The following SMARCC1 variants were observed in gnomAD, a reference collection of about 807,000 sequenced individuals.
The protein encoded by SMARCC1 is SWI/SNF related BAF chromatin remodeling complex subunit C1.
SMARCC1 carries 43 observed loss-of-function variants against 147.4 expected under a neutral mutation model. That is an observed-to-expected ratio of 0.29 (90% CI 0.23 to 0.38). The LOEUF (loss-of-function observed/expected upper bound fraction) is 0.38. Ranked by LOEUF, SMARCC1 falls within the 10% of genes least tolerant of loss-of-function variation. SMARCC1 has a pLI of 1.00. For missense variants in SMARCC1, 1,119 were observed against 1,381.1 expected (o/e 0.81, Z 3.01); for synonymous variants, 495 against 484.4 (o/e 1.02, Z -0.29).
At position 47,767,124 on chromosome 3, in the gene SMARCC1, A is replaced by C. The variant is rs1044569532; in HGVS notation, c.315+5693T>G. Among the ~76,000 whole-genome samples the C allele has an allele frequency of 3.7e-5, 5 of 135,090 alleles. No homozygotes were observed. The East Asian group carries it at 1.3e-3, about 35-fold the overall frequency. The allele number at this position is 135,090 out of a possible 152,430, so 88.6% of individuals were successfully genotyped here. The stretch of plus-strand genomic sequence containing the variant: ...CCTGAACCCAGGAGGCGGAAGTTGC[A>C]GTGAGCCGAGATCACACCACTGCAC... On this transcript the variant is annotated intron_variant, in intron 2 of 27. Transcript: ENST00000254480.
rs757239864 is a variant in SMARCC1, at chr3:47,622,354, G to C, written c.2647-13C>G. The C allele has an allele frequency of 4.2e-5, 67 of 1,612,276 alleles. No individual in the cohort carries two copies. The highest frequency in any genetic ancestry group is 3.3e-4 in the Middle Eastern group (2 of 6,078). ...CTGCAGCCAGGTGCTAAGGGTACAA[G>C]ATCATTCAAGCTATTTAGGTAAACA... On this transcript the variant is annotated splice_polypyrimidine_tract_variant and intron_variant, in intron 24 of 27. Coordinates refer to ENST00000254480, the MANE Select transcript of SMARCC1 (RefSeq NM_003074.4).
intron 19 of SMARCC1, among the ~76,000 whole-genome samples, chr3:47,665,858 T>C (rs1446945154): frequency 6.6e-6 from 1 of 152,040 alleles, no homozygotes; most frequent in East Asian, 1.9e-4. Context: ...CTCTCTTTTT[T>C]TTTTTTTTGT....
intron 13 of SMARCC1, among the ~76,000 whole-genome samples, chr3:47,687,410 C>T (rs2033739123): frequency 1.3e-5 from 2 of 151,908 alleles, no homozygotes. Context: ...GCTGGCATTG[C>T]AATTAATGAA....
chr3:47,626,058 G>A (rs749588685), intron 24 of SMARCC1, among the ~76,000 whole-genome samples: 2 of 152,142 alleles, frequency 1.3e-5, no homozygotes, highest in Admixed American at 6.5e-5. Context: ...GGAGGCTGAG[G>A]AGGAAGGATC....
At chr3:47,709,892 G>A (rs1055147669) in intron 9 of SMARCC1, among the ~76,000 whole-genome samples, 10 of 151,924 alleles carry the variant, frequency 6.6e-5, no homozygotes, top group Admixed American at 2.6e-4. Flanking sequence ...GCAACTGAAC[G>A]TCTTAAAAGA....
At chr3:47,740,869 A>C (rs994576480) in intron 3 of SMARCC1, among the ~76,000 whole-genome samples, 1 of 150,580 alleles carries the variant, frequency 6.6e-6, no homozygotes, top group Non-Finnish European at 1.5e-5. Context: ...AAAAAAAAAA[A>C]CAAAAACCTA....
At chr3:47,665,067 A>G (rs2033404978) in intron 19 of SMARCC1, among the ~76,000 whole-genome samples, 1 of 152,018 alleles carries the variant, frequency 6.6e-6, no homozygotes, top group African/African-American at 2.4e-5. Flanking sequence ...TTCTGAACTC[A>G]AGGAATCCTC....
Position 47,693,161 on chromosome 3 carries a change from C to A in SMARCC1, c.1225+80G>T. The A allele has an allele frequency of 3.4e-6, 3 of 876,754 alleles. No individual in the cohort carries two copies. In the East Asian group the frequency reaches 7.2e-5, roughly 21 times the overall value. 54.3% of individuals were successfully genotyped at this position (876,754 alleles called of 1,614,324 possible). A position where few individuals can be genotyped will look rare whatever the true frequency, so the allele number is the denominator to read the frequency against. On this transcript the variant is annotated intron_variant, in intron 12 of 27. Coordinates refer to ENST00000254480, the MANE Select transcript of SMARCC1 (RefSeq NM_003074.4). ...TCCAGCCTGACCAACAGAACAAGAC[C>A]TTGGAAGAATAGACTATCAAAGGAG... is the stretch of plus-strand genomic sequence containing the variant.
In SMARCC1 at chr3:47,755,812, GA is replaced by G. The variant is rs1403977114; in HGVS notation, c.316-9820del. 6.7e-4 allele frequency among the ~76,000 whole-genome samples: 102 copies of G among 151,766 alleles called. 1 individual carries two copies. Among genetic ancestry groups the G allele is most frequent in the Non-Finnish European group, 2.4e-4 (16 of 67,922 alleles). On this transcript the variant is annotated intron_variant, in intron 2 of 27. Transcript: ENST00000254480. ...TCGAGACCAGCCTGACCAACATGGT[GA>G]AACACGTCTCTACTAAAAATACAAA...
At chr3:47,663,835 C>CTCT in intron 19 of SMARCC1, 2 of 1,579,500 alleles carry the variant, frequency 1.3e-6, no homozygotes, top group Non-Finnish European at 1.7e-6. Context: ...ACAGCCAGCG[C>CTCT]TCTCAGCTCA....
At chr3:47,590,183 T>G (rs1426559106) in intron 27 of SMARCC1, among the ~76,000 whole-genome samples, 1 of 152,230 alleles carries the variant, frequency 6.6e-6, no homozygotes, top group Non-Finnish European at 1.5e-5. Flanking sequence ...CCCTGAATAC[T>G]ACTTTCTTAG....
intron 21 of SMARCC1, among the ~76,000 whole-genome samples, chr3:47,645,200 CAGA>C (rs1403251781): frequency 2.6e-5 from 4 of 151,726 alleles, no homozygotes; most frequent in Admixed American, 2.6e-4. Flanking sequence ...TGCTTGATCC[CAGA>C]AGGTCTCTTG....
intron 6 of SMARCC1, among the ~76,000 whole-genome samples, chr3:47,726,791 A>G (rs1417560437): frequency 4.6e-5 from 7 of 152,218 alleles, no homozygotes; most frequent in African/African-American, 1.7e-4. Context: ...GATAACAACC[A>G]TGTTATATTC....
At chr3:47,607,835 G>T (rs1231295027) in intron 26 of SMARCC1, among the ~76,000 whole-genome samples, 1 of 152,084 alleles carries the variant, frequency 6.6e-6, no homozygotes, top group African/African-American at 2.4e-5. Context: ...TTGAGCCCAG[G>T]AATTTGGGTC....
At chr3:47,612,505 C>G (rs905670254) in intron 25 of SMARCC1, among the ~76,000 whole-genome samples, 6 of 152,170 alleles carry the variant, frequency 3.9e-5, no homozygotes, top group Admixed American at 3.9e-4. Context: ...CATTACCTAG[C>G]TGAATTTTGG....
At chr3:47,774,761 T>C (rs1356110272) in intron 1 of SMARCC1, among the ~76,000 whole-genome samples, 1 of 152,044 alleles carries the variant, frequency 6.6e-6, no homozygotes, top group Non-Finnish European at 1.5e-5. Flanking sequence ...TTATACTATA[T>C]TGATAATTTG....
chr3:47,701,559 A>C (rs896520915), intron 10 of SMARCC1, 157 bp from the exon 11 acceptor site: 1 of 669,708 alleles, frequency 1.5e-6, no homozygotes, highest in African/African-American at 1.8e-5. Flanking sequence ...TCATGCCTGT[A>C]ATCAGAGCAC....
chr3:47,722,854 G>C (rs536619015), intron 6 of SMARCC1, among the ~76,000 whole-genome samples: 2 of 152,330 alleles, frequency 1.3e-5, no homozygotes, highest in South Asian at 2.1e-4. Flanking sequence ...CATCACAATA[G>C]TCAAGAGGTA....
intron 6 of SMARCC1, among the ~76,000 whole-genome samples, chr3:47,727,794 T>C (rs1053304757): frequency 2.6e-5 from 4 of 151,880 alleles, no homozygotes; most frequent in Non-Finnish European, 5.9e-5. Context: ...TTTCGCCATA[T>C]TGGTGAGGCT....
Sources: gnomAD v4.1 joint callset for allele counts (sites outside exome capture counted in the v4.1 genomes callset) on GRCh38, gnomAD v4.1.1 for gene constraint, MANE v1.5 for transcripts, NCBI Gene and HGNC (gene_info 2026-07-23, HGNC 2026-07-21) for gene names.